C10orf67: variants seen among roughly 807,000 people sequenced by gnomAD.
C10orf67 encodes uncharacterized protein C10orf67, mitochondrial.
C10orf67 carries 60 observed loss-of-function variants against 35.6 expected under a neutral mutation model. That is an observed-to-expected ratio of 1.68 (90% CI 1.37 to 2.09). The LOEUF (loss-of-function observed/expected upper bound fraction) is 2.09, where lower values mean the gene tolerates loss of function less well. C10orf67 is among the 30% of genes most tolerant of loss of function. The pLI is 0.00. For synonymous variants in C10orf67, 167 were observed against 115.8 expected (o/e 1.44, Z -2.84); for missense variants, 474 against 330.2 (o/e 1.44, Z -3.38).
intron 2 of C10orf67, among the ~76,000 whole-genome samples, chr10:23,323,630 AC>A (rs1845045843): frequency 6.6e-6 from 1 of 151,720 alleles, no homozygotes; most frequent in African/African-American, 2.4e-5. Context: ...GAATATAACT[AC>A]CAGGTGAGGT....
At chr10:23,341,618 T>C (rs1342205267) in intron 1 of C10orf67, among the ~76,000 whole-genome samples, 1 of 152,190 alleles carries the variant, frequency 6.6e-6, no homozygotes, top group East Asian at 1.9e-4. Flanking sequence ...CTGAAGTCCT[T>C]AAGGTAGTCT....
rs1841573013 is a variant in C10orf67, at chr10:23,221,251, A to C, written c.1570+2347T>G. Among the ~76,000 whole-genome samples, 4 of 152,274 alleles carry C rather than the reference A, an allele frequency of 2.6e-5. No homozygotes were observed. The South Asian group carries it at 6.2e-4, about 24-fold the overall frequency. On this transcript the variant is annotated intron_variant, in intron 15 of 15. Transcript: ENST00000636213. The stretch of plus-strand genomic sequence containing the variant: ...GAGAGAGCGAGAGAGAGAGACAGCG[A>C]AGTGCCACACACTTTTAAACCATCA...
At chr10:23,235,012 C>CAAAAAAAAAAAAAAAAAAAAAAAAAA (rs57049730) in intron 13 of C10orf67, among the ~76,000 whole-genome samples, 1 of 76,032 alleles carries the variant, frequency 1.3e-5, no homozygotes, top group Non-Finnish European at 2.6e-5. Flanking sequence ...AATTCCATCT[C>CAAAAAAAAAAAAAAAAAAAAAAAAAA]AAAAAAAAAA....
chr10:23,323,694 T>C (rs994004713), intron 2 of C10orf67, among the ~76,000 whole-genome samples: 1 of 150,752 alleles, frequency 6.6e-6, no homozygotes, highest in Non-Finnish European at 1.5e-5. Flanking sequence ...ACAGATCACC[T>C]GAAGTCAGGA....
rs1193242302 is a variant in C10orf67, at chr10:23,312,836, C to G, written c.546+7905G>C. Among the ~76,000 whole-genome samples, 21 of 152,172 alleles carry G rather than the reference C, an allele frequency of 1.4e-4. 1 individual carries two copies. The highest frequency in any genetic ancestry group is 1.4e-3 in the Admixed American group (21 of 15,268). ...TCATACTTCCATCATGTAGATGGAG[C>G]TCATCCAATAGGTTGAAGGCCTTCT... is the stretch of plus-strand genomic sequence containing the variant. On this transcript the variant is annotated intron_variant, in intron 4 of 15. Coordinates refer to ENST00000636213, the MANE Select transcript of C10orf67 (RefSeq NM_001371909.1).
At chr10:23,253,597 C>G (rs12240815) in intron 10 of C10orf67, among the ~76,000 whole-genome samples, 1 of 151,994 alleles carries the variant, frequency 6.6e-6, no homozygotes, top group Non-Finnish European at 1.5e-5. Context: ...TAATTTTCCA[C>G]GTAGAAAGAC....
chr10:23,219,975 C>T (rs1841534932), intron 15 of C10orf67, among the ~76,000 whole-genome samples: 1 of 152,034 alleles, frequency 6.6e-6, no homozygotes, highest in Admixed American at 6.6e-5. Context: ...AGTTGGAGAC[C>T]AGTCTAGATG....
chr10:23,342,808 C>T (rs1260316040), intron 1 of C10orf67, among the ~76,000 whole-genome samples: 1 of 152,256 alleles, frequency 6.6e-6, no homozygotes, highest in Non-Finnish European at 1.5e-5. Flanking sequence ...GGAGCATTGC[C>T]TCACTGGGTC....
chr10:23,306,026 C>T lies in C10orf67; in HGVS notation c.547-2567G>A, dbSNP rs79734359. ...ACACACACACACAATGGAATATTTACAATGGTAGTATGTACAATGTATATA... is the reference window on the plus strand; with the variant it reads ...ACACACACACACAATGGAATATTTATAATGGTAGTATGTACAATGTATATA... On this transcript the variant is annotated intron_variant, in intron 4 of 15. Transcript: ENST00000636213. 6.6e-5 allele frequency among the ~76,000 whole-genome samples: 10 copies of T among 151,838 alleles called. No individual in the cohort carries two copies. In the East Asian group the frequency reaches 1.9e-3, roughly 29 times the overall value.
intron 2 of C10orf67, among the ~76,000 whole-genome samples, chr10:23,329,811 A>AG (rs1554817494): frequency 2.0e-5 from 3 of 149,660 alleles, no homozygotes; most frequent in Non-Finnish European, 4.4e-5. Flanking sequence ...AAAAAAAAAA[A>AG]AAAAAGAAAA....
chr10:23,244,036 T>A (rs1432401153), intron 12 of C10orf67, among the ~76,000 whole-genome samples: 1 of 152,052 alleles, frequency 6.6e-6, no homozygotes, highest in African/African-American at 2.4e-5. Flanking sequence ...GGACCACAGG[T>A]GCATGCCACG....
chr10:23,340,339 T>C (rs1480948461), intron 1 of C10orf67, among the ~76,000 whole-genome samples: 2 of 53,250 alleles, frequency 3.8e-5, no homozygotes, highest in African/African-American at 8.2e-5. Context: ...GCCCTGTCTC[T>C]ACAAAAATAC....
intron 12 of C10orf67, among the ~76,000 whole-genome samples, chr10:23,241,846 A>C (rs1448540456): frequency 6.6e-6 from 1 of 152,154 alleles, no homozygotes; most frequent in Non-Finnish European, 1.5e-5. Context: ...TCATAATAAA[A>C]CTAATGATAA....
At chr10:23,216,007 A>G (rs1006549418) in intron 15 of C10orf67, among the ~76,000 whole-genome samples, 1 of 152,180 alleles carries the variant, frequency 6.6e-6, no homozygotes, top group Non-Finnish European at 1.5e-5. Flanking sequence ...CTTCATGATG[A>G]CACTTTAGAA....
chr10:23,261,991 A>G (rs560758022), intron 10 of C10orf67, among the ~76,000 whole-genome samples: 6 of 152,154 alleles, frequency 3.9e-5, no homozygotes, highest in African/African-American at 1.4e-4. Context: ...GTTTGAGGAG[A>G]AAGTTGGGAT....
intron 5 of C10orf67, among the ~76,000 whole-genome samples, chr10:23,292,728 T>TGC (rs1264659317): frequency 6.7e-6 from 1 of 149,160 alleles, no homozygotes. Flanking sequence ...TATATATATG[T>TGC]GTGTGTGTGT....
chr10:23,338,779 C>A (rs1479938500), intron 1 of C10orf67, among the ~76,000 whole-genome samples: 1 of 151,968 alleles, frequency 6.6e-6, no homozygotes, highest in African/African-American at 2.4e-5. Context: ...GAGGCCGAGG[C>A]GGGAAGATCA....
intron 10 of C10orf67, among the ~76,000 whole-genome samples, chr10:23,263,861 T>C (rs2132189554): frequency 6.6e-6 from 1 of 152,328 alleles, no homozygotes; most frequent in South Asian, 2.1e-4. Flanking sequence ...CAAATACAAA[T>C]TTTATGTTGT....
At chr10:23,252,978 G>A (rs1359355523) in intron 10 of C10orf67, among the ~76,000 whole-genome samples, 1 of 152,000 alleles carries the variant, frequency 6.6e-6, no homozygotes, top group African/African-American at 2.4e-5. Context: ...TAGCGAATGG[G>A]TCTCACAAGA....
Sources: allele counts gnomAD v4.1 joint callset (sites outside exome capture counted in the v4.1 genomes callset), GRCh38; gene constraint gnomAD v4.1.1; transcripts MANE v1.5; gene names NCBI Gene and HGNC (gene_info 2026-07-23, HGNC 2026-07-21).